SCHIP1: variants seen among roughly 807,000 people sequenced by gnomAD.
SCHIP1 encodes schwannomin-interacting protein 1.
SCHIP1 carries 8 observed loss-of-function variants against 29.7 expected under a neutral mutation model. The observed-to-expected ratio is 0.27, with a 90% CI of 0.16 to 0.49. The LOEUF is 0.49. SCHIP1 is among the 20% of genes least tolerant of loss of function. The pLI is 0.99. For synonymous variants in SCHIP1, 76 were observed against 94.9 expected, an observed-to-expected ratio of 0.80 and a Z score of 1.16; for missense variants, 193 against 294.6, an observed-to-expected ratio of 0.66 and a Z score of 2.52.
the SCHIP1 span, among the ~76,000 whole-genome samples, chr3:159,306,317 G>T: frequency 6.6e-6 from 1 of 152,208 alleles, no homozygotes; most frequent in Non-Finnish European, 1.5e-5. Flanking sequence ...TAATGCCTAT[G>T]TTTAATAACT....
At chr3:159,600,899 G>A in the SCHIP1 span, among the ~76,000 whole-genome samples, 1 of 152,192 alleles carries the variant, frequency 6.6e-6, no homozygotes, top group Non-Finnish European at 1.5e-5. Context: ...GGTGCATGCA[G>A]TAGTATATTC....
chr3:159,715,489 A>C, the SCHIP1 span, among the ~76,000 whole-genome samples: 1 of 152,236 alleles, frequency 6.6e-6, no homozygotes, highest in Non-Finnish European at 1.5e-5. Context: ...ATCGCAAAGA[A>C]GCTAAAAACC....
At chr3:159,758,341 C>T in the SCHIP1 span, among the ~76,000 whole-genome samples, 27 of 152,134 alleles carry the variant, frequency 1.8e-4, no homozygotes, top group African/African-American at 6.3e-4. Flanking sequence ...TTAGTAGAGG[C>T]GGTGTTTCAC....
the SCHIP1 span, among the ~76,000 whole-genome samples, chr3:159,778,131 G>A: frequency 3.3e-5 from 5 of 151,966 alleles, no homozygotes; most frequent in Non-Finnish European, 5.9e-5. Flanking sequence ...ACAGGCGCCC[G>A]CCAGCGCGCC....
the SCHIP1 span, among the ~76,000 whole-genome samples, chr3:159,788,598 T>G: frequency 6.6e-6 from 1 of 152,186 alleles, no homozygotes; most frequent in Non-Finnish European, 1.5e-5. Flanking sequence ...AAGAGCCCCC[T>G]CTCAGGGCCA....
the SCHIP1 span, among the ~76,000 whole-genome samples, chr3:159,407,226 C>T: frequency 2.6e-5 from 4 of 152,062 alleles, no homozygotes; most frequent in African/African-American, 9.7e-5. Context: ...CCAAAAACAG[C>T]AGTAGTAGCT....
chr3:159,600,262 C>T, the SCHIP1 span, among the ~76,000 whole-genome samples: 2 of 152,118 alleles, frequency 1.3e-5, no homozygotes, highest in Non-Finnish European at 2.9e-5. Context: ...ATTCTCTGAC[C>T]AAATGTAAGT....
the SCHIP1 span, chr3:159,765,197 G>C: frequency 6.8e-7 from 1 of 1,471,506 alleles, no homozygotes. Flanking sequence ...CCCGCGCACA[G>C]CCCGCACGCC....
chr3:159,589,832 G>T, the SCHIP1 span, among the ~76,000 whole-genome samples: 1 of 149,566 alleles, frequency 6.7e-6, no homozygotes, highest in Non-Finnish European at 1.5e-5. Context: ...TTTCAAGTTA[G>T]TGCTAGCCCA....
At chr3:159,377,370 G>C in the SCHIP1 span, among the ~76,000 whole-genome samples, 1 of 152,326 alleles carries the variant, frequency 6.6e-6, no homozygotes, top group African/African-American at 2.4e-5. Context: ...GATGTACTTT[G>C]GGTTCTATAG....
chr3:159,502,336 G>C, the SCHIP1 span, among the ~76,000 whole-genome samples: 3 of 152,120 alleles, frequency 2.0e-5, no homozygotes, highest in South Asian at 6.2e-4. Context: ...ATGGGTGTCT[G>C]GCACATTGTT....
chr3:159,331,627 T>C, the SCHIP1 span, among the ~76,000 whole-genome samples: 1 of 152,120 alleles, frequency 6.6e-6, no homozygotes, highest in Non-Finnish European at 1.5e-5. Context: ...CCCTACTTCC[T>C]CTCACGGATG....
At chr3:159,893,296 A>G (rs1193048970) in intron 6 of SCHIP1, 1 of 152,248 alleles carries the variant, frequency 6.6e-6, no homozygotes, top group East Asian at 1.9e-4. Context: ...AAACAAAACA[A>G]AACAGTAAGC....
the SCHIP1 span, among the ~76,000 whole-genome samples, chr3:159,372,359 G>A: frequency 2.3e-3 from 348 of 152,142 alleles, 5 homozygotes; most frequent in South Asian, 0.034. Flanking sequence ...TGGCACTGGC[G>A]TTAATAAAGA....
the SCHIP1 span, among the ~76,000 whole-genome samples, chr3:159,788,605 GCCAAATTAT>G: frequency 6.6e-6 from 1 of 152,096 alleles, no homozygotes; most frequent in Non-Finnish European, 1.5e-5. Flanking sequence ...CCCTCTCAGG[GCCAAATTAT>G]CCAATTCCCT....
the SCHIP1 span, chr3:159,764,546 C>T: frequency 6.3e-6 from 10 of 1,596,468 alleles, no homozygotes; most frequent in Non-Finnish European, 8.5e-6. The surrounding 1 kb of genome is among the most constrained non-coding windows in gnomAD (Gnocchi z 6.1). Flanking sequence ...ACCCCTTGCT[C>T]CGAGTGCAAA....
At chr3:159,478,176 G>T in the SCHIP1 span, among the ~76,000 whole-genome samples, 1 of 152,026 alleles carries the variant, frequency 6.6e-6, no homozygotes, top group African/African-American at 2.4e-5. Context: ...ACCCACCTCA[G>T]CCTCCCAAAG....
the SCHIP1 span, among the ~76,000 whole-genome samples, chr3:159,752,633 G>A: frequency 1.3e-5 from 2 of 152,066 alleles, no homozygotes; most frequent in Non-Finnish European, 2.9e-5. Context: ...AGGGAGTGGG[G>A]TGGGGAAGTG....
At chr3:159,753,809 G>A in the SCHIP1 span, among the ~76,000 whole-genome samples, 5 of 152,160 alleles carry the variant, frequency 3.3e-5, no homozygotes, top group African/African-American at 9.7e-5. Context: ...CCAGCTTAGT[G>A]ATTCCTTCCC....
Sources: allele counts gnomAD v4.1 joint callset (sites outside exome capture counted in the v4.1 genomes callset), GRCh38; gene constraint gnomAD v4.1.1; non-coding constraint Gnocchi (gnomAD v3.1); transcripts MANE v1.5; gene names NCBI Gene and HGNC (gene_info 2026-07-23, HGNC 2026-07-21).